RGMB: variants seen among roughly 807,000 people sequenced by gnomAD.
RGMB encodes the protein repulsive guidance molecule BMP co-receptor b, also known as repulsive guidance molecule B.
RGMB carries 16 observed loss-of-function variants against 26.9 expected under a neutral mutation model. The observed-to-expected ratio is 0.60, with a 90% confidence interval of 0.40 to 0.90. The LOEUF is 0.90. Among genes scored for constraint, RGMB ranks in the 40% least tolerant of loss-of-function variants. The probability of loss-of-function intolerance (pLI) is 0.00; values close to 1 mark genes in which losing one functional copy is unlikely to be tolerated. For synonymous variants in RGMB, 225 were observed against 229.3 expected (o/e 0.98, Z 0.17); for missense variants, 512 against 573.3 (o/e 0.89, Z 1.09).
chr5:98,770,619 AG>A (rs1276516041), upstream of RGMB: 4 of 1,368,170 alleles, frequency 2.9e-6, no homozygotes, highest in Non-Finnish European at 3.8e-6. Context: ...TCCGAAGTTC[AG>A]GGGCCCCCTG....
chr5:98,781,539 CAG>C (rs1230338956), intron 2 of RGMB, among the ~76,000 whole-genome samples: 2 of 152,120 alleles, frequency 1.3e-5, no homozygotes, highest in African/African-American at 4.8e-5. Context: ...ATCATTACTG[CAG>C]AGTCATATGG....
At position 98,795,563 on chromosome 5, in the gene RGMB, A is replaced by G. The variant is rs2112388312; in HGVS notation, c.*1810A>G. The G allele has an allele frequency of 6.6e-6, 1 of 152,330 alleles. No homozygotes were observed. Among genetic ancestry groups the G allele is most frequent in the South Asian group, 2.1e-4 (1 of 4,826 alleles). 9.4% of individuals were successfully genotyped at this position (152,330 alleles called of 1,614,324 possible). Reference sequence around the variant, plus strand: ...CTTGGGCAGTCTGGGAAAATAAGGAAGGCATCTCCTTCTTACTCATGGAGA... The same window carrying G: ...CTTGGGCAGTCTGGGAAAATAAGGAGGGCATCTCCTTCTTACTCATGGAGA... On this transcript the variant is annotated 3_prime_UTR_variant, in exon 3 of 3. Coordinates refer to ENST00000513185, the MANE Select transcript of RGMB (RefSeq NM_001366508.1).
Position 98,796,086 on chromosome 5 carries a change from C to G in RGMB, c.*2333C>G, listed in dbSNP as rs553213768. ...TACTTTCAGAAATAGATGTATTTCT[C>G]TACGTAAGGGCCAGGTTTATTTTCT... On this transcript the variant is annotated 3_prime_UTR_variant, in exon 3 of 3. Coordinates refer to ENST00000513185, the MANE Select transcript of RGMB (RefSeq NM_001366508.1). The G allele has an allele frequency of 1.3e-5, 2 of 152,276 alleles. No homozygotes were observed. The highest frequency in any genetic ancestry group is 6.5e-5 in the Admixed American group (1 of 15,300). The allele number at this position is 152,276 out of a possible 1,614,324, so 9.4% of individuals were successfully genotyped here. A position where few individuals can be genotyped will look rare whatever the true frequency, so the allele number is the denominator to read the frequency against.
rs1422216642 is a variant in RGMB at position 98,793,181 on chromosome 5, A to G, written c.742A>G (p.Thr248Ala). The G allele has an allele frequency of 1.9e-5, 31 of 1,613,890 alleles. No individual in the cohort carries two copies. In the Middle Eastern group the frequency reaches 4.9e-4, roughly 26 times the overall value. ...GCCGGCCGCCTTTGTGGATGGCACCACCAGTGGTGGGGACAGCGATGCCAA... is the reference window on the plus strand; with the variant it reads ...GCCGGCCGCCTTTGTGGATGGCACCGCCAGTGGTGGGGACAGCGATGCCAA... ...DLPAAFVDGT[T>A]SGGDSDAKSL... The change falls in exon 3 of 3, where the codon ACC (threonine) becomes GCC (alanine). Residue 248 changes from threonine (T) to alanine (A), a missense_variant. Thr to Ala is a moderately conservative substitution (Grantham distance 58). Transcript: ENST00000513185.
At chr5:98,769,678 C>A (rs2112321841), upstream of RGMB, 1 of 153,636 alleles carries the variant, frequency 6.5e-6, no homozygotes, top group Non-Finnish European at 1.4e-5. Flanking sequence ...ACGTGGGGGG[C>A]GAGCGGCAGG....
intron 2 of RGMB, among the ~76,000 whole-genome samples, chr5:98,783,310 C>T (rs1746666478): frequency 6.6e-6 from 1 of 152,236 alleles, no homozygotes; most frequent in Non-Finnish European, 1.5e-5. Context: ...CTGACATCCA[C>T]ATCAGCTCTG....
Position 98,774,137 on chromosome 5 carries a change from C to T in RGMB, c.67C>T (p.Pro23Ser), listed in dbSNP as rs1240133737. 10 of 1,482,000 alleles carry T rather than the reference C, an allele frequency of 6.7e-6. No individual in the cohort carries two copies. In the Admixed American group the frequency reaches 1.0e-4, roughly 16 times the overall value. The allele number at this position is 1,482,000 out of a possible 1,614,324, so 91.8% of individuals were successfully genotyped here. ...AAAEVEQRRS[P>S]GLCPPPLELL... ...CGCCGAGGTTGAGCAGCGCCGCAGC[C>T]CCGGGCTCTGCCCCCCGCCGCTGGA... Residue 23 changes from proline to serine, a missense_variant, in exon 1 of 3, where the codon CCC becomes TCC. Coordinates refer to ENST00000513185, the MANE Select transcript of RGMB (RefSeq NM_001366508.1).
rs1391928591 is a variant in RGMB, at chr5:98,794,361, G to C, written c.*608G>C. ...TCATCTAAGAGCTGTTACTTTTTCA[G>C]AAGGGGGGGTATTATTGGTATTCTG... On this transcript the variant is annotated 3_prime_UTR_variant, in exon 3 of 3. Transcript: ENST00000513185. The C allele has an allele frequency of 6.6e-6, 1 of 152,054 alleles. No homozygotes were observed. Among genetic ancestry groups the C allele is most frequent in the Non-Finnish European group, 1.5e-5 (1 of 68,056 alleles). The allele number at this position is 152,054 out of a possible 1,614,324, so 9.4% of individuals were successfully genotyped here.
In RGMB at chr5:98,793,935, G is replaced by A; in HGVS notation, c.*182G>A. ...TTGGCTGTTTTCACATATGTTGGAT[G>A]TAGTGTTCTTTGATTGTATCAATTT... On this transcript the variant is annotated 3_prime_UTR_variant, in exon 3 of 3. Transcript: ENST00000513185. The A allele has an allele frequency of 1.9e-6, 1 of 538,856 alleles. No homozygotes were observed. The highest frequency in any genetic ancestry group is 3.2e-6 in the Non-Finnish European group (1 of 312,168). 33.4% of individuals were successfully genotyped at this position (538,856 alleles called of 1,614,324 possible).
rs1746280077 is a variant in RGMB at position 98,773,957 on chromosome 5, A to C, written c.-114A>C. On this transcript the variant is annotated 5_prime_UTR_variant, in exon 1 of 3. Transcript: ENST00000513185. ...ATCTGCTACACGGGCCTGAAGAAGG[A>C]AGAAGAGGAAGCGAAGCGCGCCCCC... 1.6e-6 allele frequency: 1 copy of C among 621,844 alleles called. No homozygotes were observed. Among genetic ancestry groups the C allele is most frequent in the Admixed American group, 2.7e-5 (1 of 36,468 alleles). 38.5% of individuals were successfully genotyped at this position (621,844 alleles called of 1,614,324 possible). A position where few individuals can be genotyped will look rare whatever the true frequency, so the allele number is the denominator to read the frequency against.
chr5:98,780,792 C>CT (rs1426623579), intron 2 of RGMB: 1 of 152,216 alleles, frequency 6.6e-6, no homozygotes, highest in Non-Finnish European at 1.5e-5. Flanking sequence ...TTTAAAGAAA[C>CT]TAATACTGTA....
chr5:98,773,894 C>CGGCTGCGCG lies in RGMB; in HGVS notation c.-176_-168dup, dbSNP rs1746275163. 5.8e-6 allele frequency: 3 copies of CGGCTGCGCG among 521,566 alleles called. No homozygotes were observed. Among genetic ancestry groups the CGGCTGCGCG allele is most frequent in the South Asian group, 2.8e-5 (1 of 36,130 alleles). 32.3% of individuals were successfully genotyped at this position (521,566 alleles called of 1,614,324 possible). ...TGCTGCCGCCGCGGACTGGCTGCGC[C>CGGCTGCGCG]GGCTGCGCGCTGCTTGCTGCGGCGG... On this transcript the variant is annotated 5_prime_UTR_variant, in exon 1 of 3. Coordinates refer to ENST00000513185, the MANE Select transcript of RGMB (RefSeq NM_001366508.1).
Position 98,773,939 on chromosome 5 carries a change from A to G in RGMB, c.-132A>G. On this transcript the variant is annotated 5_prime_UTR_variant, in exon 1 of 3. Transcript: ENST00000513185. Reference sequence around the variant, plus strand: ...CGGCGGTGGTGGCGCCCCATCTGCTACACGGGCCTGAAGAAGGAAGAAGAG... The same window carrying G: ...CGGCGGTGGTGGCGCCCCATCTGCTGCACGGGCCTGAAGAAGGAAGAAGAG... 1.7e-6 allele frequency: 1 copy of G among 599,062 alleles called. No individual in the cohort carries two copies. Among genetic ancestry groups the G allele is most frequent in the Non-Finnish European group, 3.0e-6 (1 of 332,652 alleles). The allele number at this position is 599,062 out of a possible 1,614,324, so 37.1% of individuals were successfully genotyped here. A position where few individuals can be genotyped will look rare whatever the true frequency, so the allele number is the denominator to read the frequency against.
intron 2 of RGMB, among the ~76,000 whole-genome samples, chr5:98,790,800 C>T (rs990177343): frequency 1.3e-5 from 2 of 152,088 alleles, no homozygotes; most frequent in African/African-American, 2.4e-5. Context: ...ACTAGAAAGA[C>T]GAATTATTTA....
chr5:98,774,770 C>A (rs1169283226), intron 1 of RGMB, among the ~76,000 whole-genome samples: 1 of 152,150 alleles, frequency 6.6e-6, no homozygotes, highest in Non-Finnish European at 1.5e-5. Flanking sequence ...TTGGCAAAAG[C>A]TGCGTTTGTT....
In RGMB at chr5:98,796,192, C is replaced by G. The variant is rs1339944230; in HGVS notation, c.*2439C>G. 3 of 152,126 alleles carry G rather than the reference C, an allele frequency of 2.0e-5. No homozygotes were observed. Among genetic ancestry groups the G allele is most frequent in the African/African-American group, 7.2e-5 (3 of 41,412 alleles). 9.4% of individuals were successfully genotyped at this position (152,126 alleles called of 1,614,324 possible). A position where few individuals can be genotyped will look rare whatever the true frequency, so the allele number is the denominator to read the frequency against. The stretch of plus-strand genomic sequence containing the variant: ...TTAGCTAGAAGAATTTCAGGTCATA[C>G]CAACATGTGGATAGGCTATAGCTGT... On this transcript the variant is annotated 3_prime_UTR_variant, in exon 3 of 3. Transcript: ENST00000513185.
chr5:98,783,808 T>C lies in RGMB; in HGVS notation c.645+3720T>C, dbSNP rs145078196. ...TCCTTTTTCAAAAACAATTCTGAAA[T>C]TCATTTATTATTAAGTTGCATACCT... On this transcript the variant is annotated intron_variant, in intron 2 of 2. Coordinates refer to ENST00000513185, the MANE Select transcript of RGMB (RefSeq NM_001366508.1). Among the ~76,000 whole-genome samples, 47 of 152,340 alleles carry C rather than the reference T, an allele frequency of 3.1e-4. No individual in the cohort carries two copies. The East Asian group carries it at 7.9e-3, about 26-fold the overall frequency.
In RGMB at chr5:98,794,273, A is replaced by G. The variant is rs1182927641; in HGVS notation, c.*520A>G. 10 of 152,372 alleles carry G rather than the reference A, an allele frequency of 6.6e-5. No homozygotes were observed. The highest frequency in any genetic ancestry group is 6.5e-4 in the Admixed American group (10 of 15,278). 9.4% of individuals were successfully genotyped at this position (152,372 alleles called of 1,614,324 possible). A position where few individuals can be genotyped will look rare whatever the true frequency, so the allele number is the denominator to read the frequency against. On this transcript the variant is annotated 3_prime_UTR_variant, in exon 3 of 3. Coordinates refer to ENST00000513185, the MANE Select transcript of RGMB (RefSeq NM_001366508.1). ...CCCTTCTGCCCTCACTTGATTTGAA[A>G]GGGTCGTTAACTCTCCCTTACAGGT...
upstream of RGMB, chr5:98,771,895 G>C (rs1746177175): frequency 1.3e-5 from 2 of 152,052 alleles, no homozygotes; most frequent in African/African-American, 4.8e-5. Flanking sequence ...GATCAATAAA[G>C]TGAGATGCTG....
Sources: allele counts gnomAD v4.1 joint callset (sites outside exome capture counted in the v4.1 genomes callset), GRCh38; gene constraint gnomAD v4.1.1; transcripts MANE v1.5; gene names NCBI Gene and HGNC (gene_info 2026-07-23, HGNC 2026-07-21).